Variants in SDK1 observed in about 807,000 individuals in gnomAD.
SDK1 encodes protein sidekick-1.
In SDK1, 157 loss-of-function variants were observed where a neutral mutation model predicts 245.5. The observed-to-expected ratio is 0.64, with a 90% CI of 0.56 to 0.73. The LOEUF (loss-of-function observed/expected upper bound fraction) is 0.73, where lower values mean the gene tolerates loss of function less well. Ranked by LOEUF, SDK1 falls within the 30% of genes least tolerant of loss-of-function variation. SDK1 has a pLI of 0.00. For synonymous variants in SDK1, 1,647 were observed against 1,278.5 expected (o/e 1.29, Z -6.15); for missense variants, 3,583 against 3,002.3 (o/e 1.19, Z -4.52).
chr7:3,445,594 G>A (rs1373211344), intron 1 of SDK1, among the ~76,000 whole-genome samples: 1 of 152,152 alleles, frequency 6.6e-6, no homozygotes, highest in African/African-American at 2.4e-5. Flanking sequence ...AATGGATATT[G>A]CTTATATAAT....
intron 3 of SDK1, among the ~76,000 whole-genome samples, chr7:3,641,710 G>C (rs770753408): frequency 2.6e-5 from 4 of 152,234 alleles, no homozygotes; most frequent in Non-Finnish European, 5.9e-5. Context: ...TTGTCAGGTA[G>C]GACAAAGACC....
chr7:3,742,137 CTTTTTT>C lies in SDK1; in HGVS notation c.714-79307_714-79302del, dbSNP rs796198123. Among the ~76,000 whole-genome samples, 5 of 143,806 alleles carry C rather than the reference CTTTTTT, an allele frequency of 3.5e-5. No homozygotes were observed. In the South Asian group the frequency reaches 8.8e-4, roughly 25 times the overall value. 94.3% of individuals were successfully genotyped at this position (143,806 alleles called of 152,430 possible). On this transcript the variant is annotated intron_variant, in intron 4 of 44. Transcript: ENST00000404826. Reference sequence around the variant, plus strand: ...TGGTTGTATTAAATTCTCTGTTCCTCTTTTTTTTTTTACCCCCATTTCTTTGCCCTT... The same window carrying C: ...TGGTTGTATTAAATTCTCTGTTCCTCTTTTTACCCCCATTTCTTTGCCCTT...
At chr7:3,618,354 A>G (rs978367043) in intron 1 of SDK1, among the ~76,000 whole-genome samples, 14 of 152,164 alleles carry the variant, frequency 9.2e-5, no homozygotes, top group African/African-American at 3.4e-4. Flanking sequence ...CTGACACCAT[A>G]GATTAGTTTT....
At chr7:3,457,064 T>G (rs1257466070) in intron 1 of SDK1, among the ~76,000 whole-genome samples, 4 of 152,192 alleles carry the variant, frequency 2.6e-5, no homozygotes, top group Non-Finnish European at 4.4e-5. Flanking sequence ...GAAGGGAGTC[T>G]GGAAAGAAGT....
intron 4 of SDK1, among the ~76,000 whole-genome samples, chr7:3,668,499 G>C (rs1469616379): frequency 3.3e-5 from 5 of 152,218 alleles, no homozygotes; most frequent in African/African-American, 1.2e-4. Flanking sequence ...CCTTGGGCCT[G>C]GTGCAGTGGC....
At chr7:4,147,559 C>T (rs999382912) in intron 29 of SDK1, among the ~76,000 whole-genome samples, 15 of 152,288 alleles carry the variant, frequency 9.8e-5, no homozygotes, top group Admixed American at 2.0e-4. Flanking sequence ...TGAGCCCCTG[C>T]CTTTGGTCCT....
intron 19 of SDK1, among the ~76,000 whole-genome samples, chr7:4,061,122 T>C (rs1050283880): frequency 1.5e-4 from 23 of 152,312 alleles, no homozygotes; most frequent in Non-Finnish European, 2.6e-4. Context: ...CTTGGCAATG[T>C]GGGCTCTTTT....
chr7:4,049,272 G>T (rs1388444288), intron 17 of SDK1, 76 bp from the exon 18 acceptor site: 13 of 1,088,320 alleles, frequency 1.2e-5, no homozygotes, highest in Non-Finnish European at 1.7e-5. Context: ...GCAGCTAAGG[G>T]TTTCCTTTCT....
At chr7:3,608,046 A>C (rs966374779) in intron 1 of SDK1, among the ~76,000 whole-genome samples, 1 of 152,224 alleles carries the variant, frequency 6.6e-6, no homozygotes, top group African/African-American at 2.4e-5. Context: ...CAGTCGTGAG[A>C]AAACTTCTGG....
At chr7:3,476,392 G>A (rs569427007) in intron 1 of SDK1, among the ~76,000 whole-genome samples, 1 of 152,286 alleles carries the variant, frequency 6.6e-6, no homozygotes, top group Admixed American at 6.5e-5. Context: ...AAGGTGAGTG[G>A]TAGTTCCAGT....
chr7:3,434,209 C>G (rs762053535), intron 1 of SDK1, among the ~76,000 whole-genome samples: 3 of 152,138 alleles, frequency 2.0e-5, no homozygotes, highest in Non-Finnish European at 2.9e-5. Context: ...TCTACCAGGC[C>G]AAAGAGTCAG....
At chr7:4,168,451 G>T (rs538345695) in intron 32 of SDK1, among the ~76,000 whole-genome samples, 4 of 152,134 alleles carry the variant, frequency 2.6e-5, no homozygotes, top group Non-Finnish European at 5.9e-5. Context: ...AGTAATCTTC[G>T]GCCCCTTCCC....
chr7:3,804,901 T>G (rs191717872), intron 4 of SDK1, among the ~76,000 whole-genome samples: 9 of 152,220 alleles, frequency 5.9e-5, no homozygotes, highest in Non-Finnish European at 8.8e-5. Context: ...TGGTGAGATA[T>G]TGGTCGAAGG....
chr7:4,054,729 G>A (rs982670178), intron 19 of SDK1, among the ~76,000 whole-genome samples: 2 of 152,022 alleles, frequency 1.3e-5, no homozygotes, highest in African/African-American at 2.4e-5. Context: ...ACATTCAGTC[G>A]TTCACTGTTA....
rs1470143162 is a variant in SDK1 at position 4,208,316 on chromosome 7, G to C, written c.5401+31G>C. On this transcript the variant is annotated intron_variant, in intron 37 of 44. Transcript: ENST00000404826. The stretch of plus-strand genomic sequence containing the variant: ...AGGAAGGCGGGTTTCCTTTGGGCAG[G>C]CCTCCTTGGACACGTGTTTTGAGAG... 4 of 1,598,124 alleles carry C rather than the reference G, an allele frequency of 2.5e-6. No homozygotes were observed. The African/African-American group carries it at 4.0e-5, about 16-fold the overall frequency.
rs1230597778 is a variant in SDK1, at chr7:4,026,735, C to T, written c.2602+9383C>T. ...AAATGTTTAATGCAGTGAGAACCTT[C>T]AGGTCTATCAAAACTGCAAGCACCA... On this transcript the variant is annotated intron_variant, in intron 17 of 44. Transcript: ENST00000404826. The surrounding 1 kb of genome is among the most constrained non-coding windows in gnomAD (Gnocchi z 4.1). Among the ~76,000 whole-genome samples, 2 of 152,208 alleles carry T rather than the reference C, an allele frequency of 1.3e-5. No homozygotes were observed. Among genetic ancestry groups the T allele is most frequent in the Admixed American group, 6.5e-5 (1 of 15,282 alleles).
intron 17 of SDK1, among the ~76,000 whole-genome samples, chr7:4,042,128 T>C (rs1419455236): frequency 4.4e-5 from 6 of 136,140 alleles, no homozygotes; most frequent in Non-Finnish European, 9.1e-5. Context: ...TGCAAATGTT[T>C]GAATGGCTGT....
At chr7:4,186,528 C>G (rs1042105752) in intron 35 of SDK1, among the ~76,000 whole-genome samples, 1 of 152,216 alleles carries the variant, frequency 6.6e-6, no homozygotes, top group Non-Finnish European at 1.5e-5. Flanking sequence ...CTTAGCTCGT[C>G]CCCGGAGCCG....
intron 4 of SDK1, among the ~76,000 whole-genome samples, chr7:3,726,890 G>A (rs1175371550): frequency 6.6e-6 from 1 of 152,160 alleles, no homozygotes; most frequent in Non-Finnish European, 1.5e-5. Flanking sequence ...GTCCATTAGG[G>A]TGTAAATCAC....
Sources: allele counts gnomAD v4.1 joint callset (sites outside exome capture counted in the v4.1 genomes callset), GRCh38; gene constraint gnomAD v4.1.1; non-coding constraint Gnocchi (gnomAD v3.1); transcripts MANE v1.5; gene names NCBI Gene and HGNC (gene_info 2026-07-23, HGNC 2026-07-21).